MESP1: variants seen among roughly 807,000 people sequenced by gnomAD.
MESP1 encodes mesoderm posterior protein 1.
In MESP1, 22 loss-of-function variants were observed where a neutral mutation model predicts 15.2. That is an observed-to-expected ratio of 1.45 (90% confidence interval 1.04 to 2.07). MESP1 has a LOEUF of 2.07. MESP1 is among the 30% of genes most tolerant of loss of function. MESP1 has a pLI of 0.00. For synonymous variants in MESP1, 216 were observed against 192.6 expected (o/e 1.12, Z -1.01); for missense variants, 484 against 411.9 (o/e 1.17, Z -1.51).
chr15:89,747,755 C>T (rs926437969), downstream of MESP1, among the ~76,000 whole-genome samples: 4 of 152,226 alleles, frequency 2.6e-5, no homozygotes, highest in African/African-American at 7.2e-5. Flanking sequence ...TTTTTCTTAA[C>T]GCTCCTGTTC....
chr15:89,746,465 A>G (rs1251094621), downstream of MESP1, among the ~76,000 whole-genome samples: 1 of 150,120 alleles, frequency 6.7e-6, no homozygotes, highest in Non-Finnish European at 1.5e-5. Flanking sequence ...ACCTCCACAC[A>G]CACACACAGC....
the MESP1 span, among the ~76,000 whole-genome samples, chr15:89,738,787 A>T: frequency 6.6e-6 from 1 of 151,968 alleles, no homozygotes. Flanking sequence ...CTTCCTGTCA[A>T]GATCATCTTT....
At chr15:89,741,521 C>A in the MESP1 span, among the ~76,000 whole-genome samples, 5 of 152,196 alleles carry the variant, frequency 3.3e-5, no homozygotes, top group Non-Finnish European at 7.3e-5. Flanking sequence ...AGCCACCATT[C>A]TCAGCCTAAA....
chr15:89,736,339 G>A, the MESP1 span, among the ~76,000 whole-genome samples: 1 of 152,166 alleles, frequency 6.6e-6, no homozygotes, highest in Non-Finnish European at 1.5e-5. Context: ...CCTACGGAGG[G>A]TGAGGGGCCT....
the MESP1 span, chr15:89,737,744 C>T: frequency 1.2e-6 from 2 of 1,614,026 alleles, no homozygotes; most frequent in Non-Finnish European, 1.7e-6. Context: ...AGAAAGGGAC[C>T]AGGGCTGATG....
the MESP1 span, among the ~76,000 whole-genome samples, chr15:89,737,225 G>A: frequency 6.6e-6 from 1 of 152,210 alleles, no homozygotes; most frequent in Admixed American, 6.5e-5. Flanking sequence ...TGAGGCAGTG[G>A]GAAGGAAAGG....
At chr15:89,749,380 A>G (rs3743115), downstream of MESP1, 1 of 151,896 alleles carries the variant, frequency 6.6e-6, no homozygotes. Context: ...GAATAAGACC[A>G]CAGGATGCAA....
the MESP1 span, chr15:89,732,971 G>A: frequency 5.1e-5 from 82 of 1,607,802 alleles, no homozygotes; most frequent in African/African-American, 2.5e-4. Flanking sequence ...CCCCTACCCC[G>A]TTTTCTGACC....
the MESP1 span, among the ~76,000 whole-genome samples, chr15:89,739,718 G>T: frequency 1.3e-5 from 2 of 152,176 alleles, no homozygotes; most frequent in Admixed American, 1.3e-4. Flanking sequence ...GCTCTGGCAG[G>T]TTCCTTTCCT....
chr15:89,747,133 CA>C (rs1567139471), downstream of MESP1, among the ~76,000 whole-genome samples: 38 of 151,028 alleles, frequency 2.5e-4, no homozygotes, highest in Admixed American at 5.9e-4. Context: ...CACACACACA[CA>C]CACACACACA....
In MESP1 at chr15:89,750,876, C is replaced by A. The variant is rs1968078893; in HGVS notation, c.356G>T (p.Ser119Ile). The change falls in exon 1 of 2, where the codon AGC (serine) becomes ATC (isoleucine). Residue 119 changes from serine (S) to isoleucine (I), a missense_variant. Coordinates refer to ENST00000300057, the MANE Select transcript of MESP1 (RefSeq NM_018670.4). ...LPPSVAPAGQ[S>I]LTKIETLRLA... The stretch of plus-strand genomic sequence containing the variant: ...GCGCAGCGTCTCGATCTTGGTCAGG[C>A]TCTGGCCCGCGGGCGCCACGGACGG... 1.2e-5 allele frequency: 18 copies of A among 1,511,742 alleles called. No individual in the cohort carries two copies. The highest frequency in any genetic ancestry group is 1.6e-5 in the Non-Finnish European group (18 of 1,136,218). 93.6% of individuals were successfully genotyped at this position (1,511,742 alleles called of 1,614,324 possible). A position where few individuals can be genotyped will look rare whatever the true frequency, so the allele number is the denominator to read the frequency against.
At chr15:89,737,448 C>G in the MESP1 span, 2 of 1,306,530 alleles carry the variant, frequency 1.5e-6, no homozygotes, top group Non-Finnish European at 2.1e-6. Flanking sequence ...GATCCAGAGG[C>G]TGGGGCCCAA....
the MESP1 span, among the ~76,000 whole-genome samples, chr15:89,734,149 C>T: frequency 6.6e-6 from 1 of 152,202 alleles, no homozygotes; most frequent in Non-Finnish European, 1.5e-5. Flanking sequence ...CCTTCTTGCT[C>T]CGCCCCAAAC....
At chr15:89,743,401 C>T in the MESP1 span, 14 of 1,613,634 alleles carry the variant, frequency 8.7e-6, no homozygotes, top group African/African-American at 4.0e-5. Flanking sequence ...AGGCTGCCAC[C>T]GCCCTGGGAT....
At chr15:89,732,640 C>CACAG in the MESP1 span, among the ~76,000 whole-genome samples, 1 of 151,576 alleles carries the variant, frequency 6.6e-6, no homozygotes, top group Non-Finnish European at 1.5e-5. Flanking sequence ...CACACACACA[C>CACAG]ACCGCCTTTT....
the MESP1 span, among the ~76,000 whole-genome samples, chr15:89,733,717 C>T: frequency 6.6e-6 from 1 of 152,122 alleles, no homozygotes; most frequent in Admixed American, 6.5e-5. Context: ...TAGAGAGTCC[C>T]CACCAGCAAG....
the MESP1 span, chr15:89,737,841 T>C: frequency 4.7e-6 from 7 of 1,481,408 alleles, no homozygotes; most frequent in Admixed American, 1.9e-5. Context: ...CCCTCTACCA[T>C]AGGCCAAAGG....
the MESP1 span, among the ~76,000 whole-genome samples, chr15:89,740,908 G>A: frequency 2.0e-5 from 3 of 152,180 alleles, no homozygotes; most frequent in African/African-American, 7.2e-5. Context: ...GGGAGGCCAA[G>A]GCGGGTGGAT....
the MESP1 span, among the ~76,000 whole-genome samples, chr15:89,737,031 T>A: frequency 2.0e-5 from 3 of 152,144 alleles, no homozygotes; most frequent in Non-Finnish European, 4.4e-5. Flanking sequence ...GACCTCGTGA[T>A]CCGCCCACCT....
Sources: allele counts gnomAD v4.1 joint callset (sites outside exome capture counted in the v4.1 genomes callset), GRCh38; gene constraint gnomAD v4.1.1; transcripts MANE v1.5; gene names NCBI Gene and HGNC (gene_info 2026-07-23, HGNC 2026-07-21).